Variants in RANBP17 observed in about 807,000 individuals in gnomAD.
RANBP17 encodes the protein ran-binding protein 17.
In RANBP17, 158 loss-of-function variants were observed where a neutral mutation model predicts 141.2. The ratio of observed to expected loss-of-function variants is 1.12; its 90% confidence interval spans 0.98 to 1.28. The LOEUF (loss-of-function observed/expected upper bound fraction) is 1.28, where lower values mean the gene tolerates loss of function less well. Among genes scored for constraint, RANBP17 ranks in the 50% most tolerant of loss-of-function variants. The probability of loss-of-function intolerance (pLI) is 0.00; values close to 1 mark genes in which losing one functional copy is unlikely to be tolerated. For synonymous variants in RANBP17, 430 were observed against 450.0 expected, an observed-to-expected ratio of 0.96 and a Z score of 0.56; for missense variants, 1,438 against 1,290.7, an observed-to-expected ratio of 1.11 and a Z score of -1.75.
intron 14 of RANBP17, among the ~76,000 whole-genome samples, chr5:171,093,162 A>G (rs2591500): frequency 0.62 from 94,239 of 151,152 alleles, 30,477 homozygotes; most frequent in South Asian, 0.88. Flanking sequence ...GTGAGCCAGG[A>G]TCACACCGTT....
intron 14 of RANBP17, among the ~76,000 whole-genome samples, chr5:170,987,987 TTTG>T (rs147608209): frequency 0.015 from 2,259 of 151,812 alleles, 45 homozygotes; most frequent in African/African-American, 0.051. Flanking sequence ...AGAATTATAT[TTTG>T]TTATGTAATT....
At chr5:171,143,473 G>C (rs1757836335) in intron 14 of RANBP17, 1 of 152,106 alleles carries the variant, frequency 6.6e-6, no homozygotes, top group Non-Finnish European at 1.5e-5. Context: ...TTCCAGGTAA[G>C]CCCTTATTTA....
At chr5:171,245,027 G>A (rs1015747831) in intron 24 of RANBP17, among the ~76,000 whole-genome samples, 1 of 151,930 alleles carries the variant, frequency 6.6e-6, no homozygotes, top group Non-Finnish European at 1.5e-5. Flanking sequence ...TACCCAGGAG[G>A]CTGAAGCAGG....
intron 14 of RANBP17, among the ~76,000 whole-genome samples, chr5:171,124,208 A>T (rs529952077): frequency 5.3e-4 from 81 of 152,186 alleles, no homozygotes; most frequent in East Asian, 2.3e-3. Context: ...AATGAAATTT[A>T]AAAAAATGCA....
intron 25 of RANBP17, among the ~76,000 whole-genome samples, chr5:171,267,836 A>G (rs138473872): frequency 1.7e-4 from 26 of 152,258 alleles, no homozygotes; most frequent in African/African-American, 5.5e-4. Flanking sequence ...ATGTCACTCT[A>G]TATCAGTAAA....
intron 12 of RANBP17, among the ~76,000 whole-genome samples, chr5:170,950,499 AATC>A (rs1169093688): frequency 6.6e-6 from 1 of 152,138 alleles, no homozygotes; most frequent in Non-Finnish European, 1.5e-5. Context: ...TAACATCACT[AATC>A]ATCAGGGAAA....
At chr5:171,118,820 T>C (rs1389133406) in intron 14 of RANBP17, among the ~76,000 whole-genome samples, 4 of 152,192 alleles carry the variant, frequency 2.6e-5, no homozygotes. Flanking sequence ...TAAATGTTTT[T>C]TGGTAGAGTC....
At chr5:171,151,210 G>T (rs1421996808) in intron 14 of RANBP17, among the ~76,000 whole-genome samples, 1 of 152,130 alleles carries the variant, frequency 6.6e-6, no homozygotes, top group African/African-American at 2.4e-5. Context: ...TAAAGGCATG[G>T]TGTTAATAGA....
rs1368342209 is a variant in RANBP17 at position 170,924,468 on chromosome 5, G to C, written c.1386G>C (p.Gln462His). 2 of 1,613,284 alleles carry C rather than the reference G, an allele frequency of 1.2e-6. No individual in the cohort carries two copies. Among genetic ancestry groups the C allele is most frequent in the South Asian group, 2.2e-5 (2 of 91,028 alleles). Residue 462 changes from glutamine to histidine, a missense_variant, in exon 12 of 28, where the codon CAG becomes CAC. Gln to His is a conservative substitution (Grantham distance 24). Transcript: ENST00000523189. ...EYEKTCALLV[Q>H]LFDQNAQNYQ... ...AAAAGACATGTGCTCTTCTTGTGCA[G>C]TTATTCGACCAAAATGCACAGAATT...
chr5:171,000,146 T>G (rs1779102276), intron 14 of RANBP17, among the ~76,000 whole-genome samples: 1 of 152,212 alleles, frequency 6.6e-6, no homozygotes, highest in Admixed American at 6.5e-5. Context: ...CATTCATCAG[T>G]AGACACTTGG....
At position 171,072,452 on chromosome 5, in the gene RANBP17, GA is replaced by G. The variant is rs755077340; in HGVS notation, c.1711-97667del. Among the ~76,000 whole-genome samples the G allele has an allele frequency of 4.8e-4, 67 of 139,050 alleles. 1 individual carries two copies. The South Asian group carries it at 5.2e-3, about 11-fold the overall frequency. The allele number at this position is 139,050 out of a possible 152,430, so 91.2% of individuals were successfully genotyped here. The stretch of plus-strand genomic sequence containing the variant: ...TAGGAAGAAAACAAAAAAGCTAATT[GA>G]AAAAAAAAAAGACAAAAGATCTGAA... On this transcript the variant is annotated intron_variant, in intron 14 of 27. Coordinates refer to ENST00000523189, the MANE Select transcript of RANBP17 (RefSeq NM_022897.5).
At chr5:170,982,548 A>T (rs1777848232) in intron 14 of RANBP17, among the ~76,000 whole-genome samples, 1 of 152,226 alleles carries the variant, frequency 6.6e-6, no homozygotes, top group East Asian at 1.9e-4. Context: ...GGTTTGGAAG[A>T]TAAAGTAGCC....
At chr5:171,106,173 A>G (rs1468503337) in intron 14 of RANBP17, among the ~76,000 whole-genome samples, 2 of 152,214 alleles carry the variant, frequency 1.3e-5, no homozygotes, top group African/African-American at 4.8e-5. Context: ...ACTGACAAAA[A>G]ACAGTACTGT....
rs1561820598 is a variant in RANBP17, at chr5:171,274,158, G to GCA, written c.2943+8312_2943+8313insAC. 1.7e-4 allele frequency among the ~76,000 whole-genome samples: 24 copies of GCA among 141,860 alleles called. No individual in the cohort carries two copies. In the South Asian group the frequency reaches 4.8e-3, roughly 28 times the overall value. The allele number at this position is 141,860 out of a possible 152,430, so 93.1% of individuals were successfully genotyped here. ...TGTGTGTGTGTGTGTGTGCGCGCGC[G>GCA]CGCGCGTGCGCAAAATCTAACTACT... On this transcript the variant is annotated intron_variant, in intron 25 of 27. Coordinates refer to ENST00000523189, the MANE Select transcript of RANBP17 (RefSeq NM_022897.5).
chr5:171,092,230 T>G (rs1786348398), intron 14 of RANBP17, among the ~76,000 whole-genome samples: 1 of 152,210 alleles, frequency 6.6e-6, no homozygotes, highest in African/African-American at 2.4e-5. Context: ...TTGCCTTTGA[T>G]ATCTAATTCT....
chr5:171,108,889 G>T (rs1398027833), intron 14 of RANBP17, among the ~76,000 whole-genome samples: 74 of 152,112 alleles, frequency 4.9e-4, no homozygotes, highest in Non-Finnish European at 2.9e-5. Context: ...CTTTTTTGTT[G>T]TTGTTGTTCT....
At chr5:171,142,592 T>C (rs1220646184) in intron 14 of RANBP17, among the ~76,000 whole-genome samples, 1 of 152,226 alleles carries the variant, frequency 6.6e-6, no homozygotes, top group Non-Finnish European at 1.5e-5. Flanking sequence ...TCTTAGTAAA[T>C]TGCCAGTAGT....
At chr5:171,214,712 A>G (rs866987097) in intron 21 of RANBP17, among the ~76,000 whole-genome samples, 2 of 152,178 alleles carry the variant, frequency 1.3e-5, no homozygotes, top group South Asian at 2.1e-4. Flanking sequence ...TAGGTGCCTT[A>G]AAGGAAGGGT....
chr5:171,048,279 C>CA (rs1782725092), intron 14 of RANBP17, among the ~76,000 whole-genome samples: 1 of 152,078 alleles, frequency 6.6e-6, no homozygotes, highest in Admixed American at 6.6e-5. Flanking sequence ...TGGCTGGTCT[C>CA]AAACTCCTGG....
Sources: gnomAD v4.1 joint callset for allele counts (sites outside exome capture counted in the v4.1 genomes callset) on GRCh38, gnomAD v4.1.1 for gene constraint, MANE v1.5 for transcripts, NCBI Gene and HGNC (gene_info 2026-07-23, HGNC 2026-07-21) for gene names.